RPS6KA5: variants seen among roughly 807,000 people sequenced by gnomAD.
RPS6KA5 encodes the protein ribosomal protein S6 kinase A5.
RPS6KA5 carries 27 observed loss-of-function variants against 85.5 expected under a neutral mutation model. The observed-to-expected ratio is 0.32, with a 90% CI of 0.23 to 0.44. The LOEUF (loss-of-function observed/expected upper bound fraction) is 0.44. RPS6KA5 is among the 20% of genes least tolerant of loss of function. RPS6KA5 has a pLI of 1.00. For synonymous variants in RPS6KA5, 334 were observed against 348.2 expected (o/e 0.96, Z 0.46); for missense variants, 811 against 980.9 (o/e 0.83, Z 2.31).
intron 5 of RPS6KA5, among the ~76,000 whole-genome samples, chr14:90,926,573 T>A (rs2036680233): frequency 6.6e-6 from 1 of 151,944 alleles, no homozygotes; most frequent in Non-Finnish European, 1.5e-5. Context: ...AATAATTCAC[T>A]GAGCCATACA....
chr14:91,059,156 G>GA (rs2043483978), intron 1 of RPS6KA5, among the ~76,000 whole-genome samples: 1 of 132,272 alleles, frequency 7.6e-6, no homozygotes, highest in East Asian at 2.6e-4. Flanking sequence ...GGAGAGGACC[G>GA]CCCCCCCCAC....
intron 14 of RPS6KA5, among the ~76,000 whole-genome samples, chr14:90,884,436 T>C (rs2034057992): frequency 1.3e-5 from 2 of 152,190 alleles, no homozygotes; most frequent in African/African-American, 4.8e-5. Context: ...ATTCTGCAAA[T>C]ATGCCGAAAT....
At chr14:90,979,081 G>A (rs1210427796) in intron 2 of RPS6KA5, among the ~76,000 whole-genome samples, 3 of 152,146 alleles carry the variant, frequency 2.0e-5, no homozygotes, top group East Asian at 1.9e-4. Flanking sequence ...CATACAATAC[G>A]ACAGAAGCCC....
At position 90,858,323 on chromosome 14, in the gene RPS6KA5, C is replaced by T. The variant is rs1205915598; in HGVS notation, c.*13751G>A. ...TCAAAATCATCTATTTCAGAAAAAT[C>T]GAATTCATTAAATAAATCTCTGTCC... On this transcript the variant is annotated 3_prime_UTR_variant, in exon 17 of 17. Coordinates refer to ENST00000614987, the MANE Select transcript of RPS6KA5 (RefSeq NM_004755.4). The T allele has an allele frequency of 2.6e-5, 4 of 151,972 alleles. No individual in the cohort carries two copies. The highest frequency in any genetic ancestry group is 2.0e-4 in the Admixed American group (3 of 15,240). The allele number at this position is 151,972 out of a possible 1,614,324, so 9.4% of individuals were successfully genotyped here. A position where few individuals can be genotyped will look rare whatever the true frequency, so the allele number is the denominator to read the frequency against.
intron 3 of RPS6KA5, among the ~76,000 whole-genome samples, chr14:90,976,066 A>G (rs1206265915): frequency 6.6e-6 from 1 of 152,320 alleles, no homozygotes; most frequent in East Asian, 1.9e-4. Flanking sequence ...AAGCAACATG[A>G]TTAAGGACTA....
chr14:90,983,601 AG>A, intron 2 of RPS6KA5, among the ~76,000 whole-genome samples: 1 of 149,712 alleles, frequency 6.7e-6, no homozygotes, highest in Non-Finnish European at 1.5e-5. Flanking sequence ...ACTCTGTCTC[AG>A]GGGGAGAAAG....
chr14:91,024,888 TA>T (rs1311930131), intron 1 of RPS6KA5, among the ~76,000 whole-genome samples: 3 of 152,132 alleles, frequency 2.0e-5, no homozygotes, highest in Non-Finnish European at 4.4e-5. Context: ...ATTTTTTTTT[TA>T]AATTTTTTTT....
rs2032877098 is a variant in RPS6KA5 at position 90,868,085 on chromosome 14, G to C, written c.*3989C>G. 2 of 152,074 alleles carry C rather than the reference G, an allele frequency of 1.3e-5. No individual in the cohort carries two copies. The highest frequency in any genetic ancestry group is 2.9e-5 in the Non-Finnish European group (2 of 68,006). The allele number at this position is 152,074 out of a possible 1,614,324, so 9.4% of individuals were successfully genotyped here. A position where few individuals can be genotyped will look rare whatever the true frequency, so the allele number is the denominator to read the frequency against. On this transcript the variant is annotated 3_prime_UTR_variant, in exon 17 of 17. Coordinates refer to ENST00000614987, the MANE Select transcript of RPS6KA5 (RefSeq NM_004755.4). ...AAAACACGTAAATAACTACTCTTAA[G>C]GAAAATATTTTCTCTAAAGAATGTC...
intron 1 of RPS6KA5, among the ~76,000 whole-genome samples, chr14:91,008,020 T>C (rs1390494366): frequency 6.6e-6 from 1 of 152,196 alleles, no homozygotes; most frequent in Non-Finnish European, 1.5e-5. Flanking sequence ...AGCAATGCTA[T>C]TGTAAGTATA....
intron 3 of RPS6KA5, among the ~76,000 whole-genome samples, chr14:90,948,099 G>T (rs1024856641): frequency 3.9e-5 from 6 of 152,174 alleles, no homozygotes; most frequent in African/African-American, 1.4e-4. Context: ...CAAAGATTCT[G>T]AAAGTAGAAG....
intron 1 of RPS6KA5, among the ~76,000 whole-genome samples, chr14:91,039,509 A>T (rs1482944059): frequency 6.6e-6 from 1 of 152,188 alleles, no homozygotes; most frequent in Non-Finnish European, 1.5e-5. Flanking sequence ...ACAAATAAGC[A>T]TTTATTTTCA....
At position 90,920,240 on chromosome 14, in the gene RPS6KA5, C is replaced by G. The variant is rs746195386; in HGVS notation, c.772G>C (p.Asp258His). The change falls in exon 7 of 17, where the codon GAT becomes CAT. Residue 258 changes from aspartate (D) to histidine (H), a missense_variant. By Grantham distance (81) the Asp-to-His change is moderately conservative. Around this residue, in one of 3 missense-constraint regions of RPS6KA5, gnomAD observed 650 missense variants for 793.4 expected, o/e 0.82. Coordinates refer to ENST00000614987, the MANE Select transcript of RPS6KA5 (RefSeq NM_004755.4). ...TCAGCTTGGGAATTTTTTTCTCCAT[C>G]AACAGTGAAAGGAGATGCTCCAGTT... ...LLTGASPFTV[D>H]GEKNSQAEIS... 10 of 1,611,780 alleles carry G rather than the reference C, an allele frequency of 6.2e-6. No individual in the cohort carries two copies. The highest frequency in any genetic ancestry group is 7.6e-6 in the Non-Finnish European group (9 of 1,178,474).
chr14:90,928,740 A>G (rs2036813685), intron 5 of RPS6KA5, among the ~76,000 whole-genome samples: 1 of 116,178 alleles, frequency 8.6e-6, no homozygotes, highest in African/African-American at 3.4e-5. Context: ...ACTTAAAATG[A>G]AAAAAAAAAA....
chr14:90,950,041 G>A (rs1385231592), intron 3 of RPS6KA5, among the ~76,000 whole-genome samples: 2 of 152,196 alleles, frequency 1.3e-5, no homozygotes, highest in African/African-American at 4.8e-5. Context: ...ACGCAGTGGT[G>A]AGCATAGCTG....
chr14:90,917,197 T>C (rs1309833296), intron 7 of RPS6KA5, among the ~76,000 whole-genome samples: 1 of 152,124 alleles, frequency 6.6e-6, no homozygotes, highest in Non-Finnish European at 1.5e-5. Context: ...ATAAACAAAG[T>C]CATATTTATA....
rs59073902 is a variant in RPS6KA5 at position 91,026,407 on chromosome 14, T to C, written c.104-25248A>G. Among the ~76,000 whole-genome samples the C allele has an allele frequency of 1.8e-3, 273 of 152,154 alleles. 7 individuals are homozygous for C. The East Asian group carries it at 0.05, about 28-fold the overall frequency. ...CACCATACCTAGCTAATTTTTTTTTTCCCAGTAGAGACGAGGTCTCACAAC... is the reference window on the plus strand; with the variant it reads ...CACCATACCTAGCTAATTTTTTTTTCCCCAGTAGAGACGAGGTCTCACAAC... On this transcript the variant is annotated intron_variant, in intron 1 of 16. Transcript: ENST00000614987.
rs2032175298 is a variant in RPS6KA5, at chr14:90,854,453, T to G, written c.*17621A>C. On this transcript the variant is annotated 3_prime_UTR_variant, in exon 17 of 17. Transcript: ENST00000614987. Reference sequence around the variant, plus strand: ...TTTCACAATGTACACTTGTCTCAAGTAAGTCTATTTAACTAGAATTTTTAA... The same window carrying G: ...TTTCACAATGTACACTTGTCTCAAGGAAGTCTATTTAACTAGAATTTTTAA... 6.6e-6 allele frequency: 1 copy of G among 152,180 alleles called. No individual in the cohort carries two copies. Among genetic ancestry groups the G allele is most frequent in the Non-Finnish European group, 1.5e-5 (1 of 68,016 alleles). 9.4% of individuals were successfully genotyped at this position (152,180 alleles called of 1,614,324 possible). A position where few individuals can be genotyped will look rare whatever the true frequency, so the allele number is the denominator to read the frequency against.
rs957758008 is a variant in RPS6KA5 at position 90,853,695 on chromosome 14, T to C, written c.*18379A>G. The C allele has an allele frequency of 3.6e-5, 5 of 137,760 alleles. No individual in the cohort carries two copies. Among genetic ancestry groups the C allele is most frequent in the Admixed American group, 1.4e-4 (2 of 13,880 alleles). The allele number at this position is 137,760 out of a possible 1,614,324, so 8.5% of individuals were successfully genotyped here. On this transcript the variant is annotated 3_prime_UTR_variant, in exon 17 of 17. Coordinates refer to ENST00000614987, the MANE Select transcript of RPS6KA5 (RefSeq NM_004755.4). ...AAAAAAAAAAAAAAAAACCCTAAAA[T>C]TTAACACTATGAAGTCTCTATATTA...
chr14:90,886,034 T>C (rs990992735), intron 14 of RPS6KA5, among the ~76,000 whole-genome samples: 2 of 152,058 alleles, frequency 1.3e-5, no homozygotes, highest in Admixed American at 6.5e-5. Context: ...GTCTGCAAAT[T>C]GTTTGCAAAT....
Sources: allele counts gnomAD v4.1 joint callset (sites outside exome capture counted in the v4.1 genomes callset), GRCh38; gene constraint gnomAD v4.1.1; regional missense constraint gnomAD v4.1.1; transcripts MANE v1.5; gene names NCBI Gene and HGNC (gene_info 2026-07-23, HGNC 2026-07-21).